The following GRIP1 variants were observed in gnomAD, a reference collection of about 807,000 sequenced individuals.
The protein encoded by GRIP1 is glutamate receptor interacting protein 1, also known as glutamate receptor-interacting protein 1.
A neutral mutation model predicts 129.9 loss-of-function variants in GRIP1; 45 were observed. The observed-to-expected ratio is 0.35, with a 90% CI of 0.27 to 0.44. The LOEUF is 0.44. Ranked by LOEUF, GRIP1 falls within the 20% of genes least tolerant of loss-of-function variation. The pLI is 1.00. For missense variants in GRIP1, 1,196 were observed against 1,396.8 expected (o/e 0.86, Z 2.29); for synonymous variants, 530 against 520.8 (o/e 1.02, Z -0.24).
chr12:66,444,047 G>C (rs557371118), intron 13 of GRIP1, among the ~76,000 whole-genome samples: 2 of 152,112 alleles, frequency 1.3e-5, no homozygotes, highest in South Asian at 4.1e-4. Flanking sequence ...TATTTTTATC[G>C]CCTCTATAGT....
At chr12:66,470,955 A>T (rs1253872613) in intron 7 of GRIP1, among the ~76,000 whole-genome samples, 2 of 152,218 alleles carry the variant, frequency 1.3e-5, no homozygotes, top group African/African-American at 4.8e-5. Flanking sequence ...TCAAGGGACC[A>T]GTTTCAGTGA....
At chr12:67,032,540 T>C (rs1414734291) in intron 1 of GRIP1, among the ~76,000 whole-genome samples, 2 of 152,218 alleles carry the variant, frequency 1.3e-5, no homozygotes, top group East Asian at 3.8e-4. Flanking sequence ...CCAGGAATTC[T>C]CAACCTCAGC....
Position 66,740,050 on chromosome 12 carries a change from A to G in GRIP1, c.-420+64003T>C, listed in dbSNP as rs139804567. 5.1e-4 allele frequency among the ~76,000 whole-genome samples: 77 copies of G among 152,250 alleles called. No homozygotes were observed. The East Asian group carries it at 0.011, about 21-fold the overall frequency. On this transcript the variant is annotated intron_variant, in intron 1 of 4. Transcript: ENST00000538373. ...TGTGACCCTGAGTCCTGCCATTTTT[A>G]TCCAAGCTCTTCTGACAGATGCCCT...
At chr12:66,792,987 C>T (rs1173469010) in intron 1 of GRIP1, among the ~76,000 whole-genome samples, 1 of 151,988 alleles carries the variant, frequency 6.6e-6, no homozygotes, top group African/African-American at 2.4e-5. Context: ...TAAGTATTTA[C>T]TTTATTCATG....
At chr12:66,427,550 T>C (rs770401866) in intron 14 of GRIP1, among the ~76,000 whole-genome samples, 41 of 152,178 alleles carry the variant, frequency 2.7e-4, no homozygotes, top group Non-Finnish European at 5.7e-4. Context: ...CAAGTCAGCA[T>C]CACAAAGCAT....
chr12:66,900,251 A>G (rs2137266361), intron 1 of GRIP1, among the ~76,000 whole-genome samples: 1 of 152,322 alleles, frequency 6.6e-6, no homozygotes, highest in Admixed American at 6.5e-5. Flanking sequence ...CTCTTCAGAT[A>G]AATGAAGTAG....
At chr12:66,504,616 TCAATG>T (rs1433946035) in intron 7 of GRIP1, among the ~76,000 whole-genome samples, 1 of 152,114 alleles carries the variant, frequency 6.6e-6, no homozygotes, top group Non-Finnish European at 1.5e-5. Context: ...AAAATCCTTC[TCAATG>T]CAGTATTTCA....
At chr12:66,690,040 T>C (rs780594859) in intron 1 of GRIP1, among the ~76,000 whole-genome samples, 157 of 152,088 alleles carry the variant, frequency 1.0e-3, no homozygotes, top group Non-Finnish European at 1.7e-3. Context: ...TGCCTCAGCC[T>C]CCTGAGTAGC....
At chr12:66,469,600 G>T (rs1172407367) in intron 7 of GRIP1, among the ~76,000 whole-genome samples, 2 of 152,014 alleles carry the variant, frequency 1.3e-5, no homozygotes, top group African/African-American at 4.8e-5. Flanking sequence ...CAACTTTCTA[G>T]CAAGATTCTA....
At position 66,875,675 on chromosome 12, in the gene GRIP1, T is replaced by G. The variant is rs573637041; in HGVS notation, c.58+193375A>C. On this transcript the variant is annotated intron_variant, in intron 1 of 1. Transcript: ENST00000643019. Reference sequence around the variant, plus strand: ...TTGCTTAACCAAAATCTGCCAATTATCCCTTAACTTTGCAGTTTTACTAAG... The same window carrying G: ...TTGCTTAACCAAAATCTGCCAATTAGCCCTTAACTTTGCAGTTTTACTAAG... Among the ~76,000 whole-genome samples, 199 of 152,194 alleles carry G rather than the reference T, an allele frequency of 1.3e-3. 2 individuals are homozygous for G. The highest frequency in any genetic ancestry group is 0.01 in the Admixed American group (160 of 15,258).
chr12:66,961,098 G>A (rs1419008877), intron 1 of GRIP1, among the ~76,000 whole-genome samples: 3 of 152,096 alleles, frequency 2.0e-5, no homozygotes, highest in Non-Finnish European at 4.4e-5. Context: ...AATATTTTAG[G>A]AGAATTTATA....
At chr12:66,381,285 C>G (rs1406967227) in intron 19 of GRIP1, among the ~76,000 whole-genome samples, 1 of 152,170 alleles carries the variant, frequency 6.6e-6, no homozygotes, top group Non-Finnish European at 1.5e-5. Context: ...GTGTGGTTAG[C>G]CATCTGGGAA....
At chr12:66,610,894 A>C (rs1044071964) in intron 1 of GRIP1, among the ~76,000 whole-genome samples, 1 of 152,170 alleles carries the variant, frequency 6.6e-6, no homozygotes, top group Non-Finnish European at 1.5e-5. Context: ...AATAGCTTAG[A>C]AAGGTTATGC....
intron 2 of GRIP1, among the ~76,000 whole-genome samples, chr12:66,585,301 G>T (rs1433981492): frequency 8.1e-6 from 1 of 122,896 alleles, no homozygotes; most frequent in South Asian, 2.7e-4. Flanking sequence ...CCCTTCCTGT[G>T]TCCATATGAT....
intron 1 of GRIP1, among the ~76,000 whole-genome samples, chr12:66,609,559 C>G (rs2064698613): frequency 6.6e-6 from 1 of 152,148 alleles, no homozygotes; most frequent in Non-Finnish European, 1.5e-5. Context: ...GCTTCTAAGA[C>G]AAATTATTCA....
intron 1 of GRIP1, among the ~76,000 whole-genome samples, chr12:66,933,177 T>C (rs909406202): frequency 1.1e-4 from 16 of 152,196 alleles, no homozygotes; most frequent in Non-Finnish European, 2.9e-5. Context: ...CTTTCTTGAA[T>C]ACAGTCAACA....
intron 2 of GRIP1, among the ~76,000 whole-genome samples, chr12:66,589,059 A>G (rs2063751432): frequency 6.6e-6 from 1 of 152,032 alleles, no homozygotes; most frequent in South Asian, 2.1e-4. Context: ...GGGAATTAAT[A>G]AAACTTATTT....
intron 7 of GRIP1, among the ~76,000 whole-genome samples, chr12:66,490,560 T>C (rs1164602673): frequency 1.3e-5 from 2 of 152,078 alleles, no homozygotes; most frequent in East Asian, 1.9e-4. Flanking sequence ...ATTCAGGACA[T>C]AGGCATGGGC....
At chr12:66,870,066 G>A (rs1266669571) in intron 1 of GRIP1, among the ~76,000 whole-genome samples, 1 of 152,056 alleles carries the variant, frequency 6.6e-6, no homozygotes, top group Non-Finnish European at 1.5e-5. Flanking sequence ...TCCCCATTGT[G>A]ACAACCAAAA....
Sources: allele counts gnomAD v4.1 joint callset (sites outside exome capture counted in the v4.1 genomes callset), GRCh38; gene constraint gnomAD v4.1.1; transcripts MANE v1.5; gene names NCBI Gene and HGNC (gene_info 2026-07-23, HGNC 2026-07-21).